The following DAAM1 variants were observed in gnomAD, a reference collection of about 807,000 sequenced individuals.
The protein encoded by DAAM1 is disheveled-associated activator of morphogenesis 1.
Under a neutral mutation model 130.0 loss-of-function variants are expected in DAAM1, and 52 were observed. That is an observed-to-expected ratio of 0.40 (90% confidence interval 0.32 to 0.50). DAAM1 has a LOEUF of 0.50. Ranked by LOEUF, DAAM1 falls within the 20% of genes least tolerant of loss-of-function variation. The probability of loss-of-function intolerance (pLI) is 0.61; values close to 1 mark genes in which losing one functional copy is unlikely to be tolerated. For missense variants in DAAM1, 1,134 were observed against 1,303.8 expected, an observed-to-expected ratio of 0.87 and a Z score of 2.01; for synonymous variants, 452 against 444.5, an observed-to-expected ratio of 1.02 and a Z score of -0.21.
Position 59,245,894 on chromosome 14 carries a change from A to G in DAAM1, c.-37-17547A>G, listed in dbSNP as rs968804461. 7.9e-5 allele frequency among the ~76,000 whole-genome samples: 12 copies of G among 152,302 alleles called. No homozygotes were observed. The East Asian group carries it at 2.1e-3, about 27-fold the overall frequency. On this transcript the variant is annotated intron_variant, in intron 1 of 24. Transcript: ENST00000360909. ...AATTGCAGAAATGAAAGCATTCTAT[A>G]AACCATTCTTTAATTACTTTCAGAG... is the stretch of plus-strand genomic sequence containing the variant.
intron 2 of DAAM1, among the ~76,000 whole-genome samples, chr14:59,268,747 C>A (rs1346821512): frequency 2.0e-5 from 3 of 152,118 alleles, no homozygotes; most frequent in Non-Finnish European, 4.4e-5. Context: ...TTCTTTTTTA[C>A]TTTTTCCTCT....
chr14:59,259,466 T>G (rs1382831750), intron 1 of DAAM1, among the ~76,000 whole-genome samples: 2 of 152,164 alleles, frequency 1.3e-5, no homozygotes, highest in Non-Finnish European at 2.9e-5. Flanking sequence ...CTTGCCCTCA[T>G]TTCCTGGTAG....
chr14:59,366,900 C>T (rs911682393), intron 23 of DAAM1, among the ~76,000 whole-genome samples: 1 of 145,748 alleles, frequency 6.9e-6, no homozygotes, highest in African/African-American at 2.5e-5. Flanking sequence ...ACCTGGGTAA[C>T]ATGTAAGACC....
At chr14:59,229,448 A>G (rs1594768951) in intron 1 of DAAM1, among the ~76,000 whole-genome samples, 1 of 152,240 alleles carries the variant, frequency 6.6e-6, no homozygotes, top group Non-Finnish European at 1.5e-5. Flanking sequence ...AGCCTATATA[A>G]TACCCTTGAT....
At position 59,340,072 on chromosome 14, in the gene DAAM1, A is replaced by G; in HGVS notation, c.1969-2A>G. On this transcript the variant is annotated splice_acceptor_variant, in intron 15 of 24. Transcript: ENST00000360909. LOFTEE classifies it high-confidence loss of function. The stretch of plus-strand genomic sequence containing the variant: ...GATGGATTTCTTTCATGCTCTTTAC[A>G]GAAAGAAGCAGATGCCATTGATGAC... 1 of 1,612,226 alleles carries G rather than the reference A, an allele frequency of 6.2e-7. No homozygotes were observed.
At chr14:59,313,930 AT>A (rs2139603609) in intron 3 of DAAM1, among the ~76,000 whole-genome samples, 1 of 152,344 alleles carries the variant, frequency 6.6e-6, no homozygotes, top group Admixed American at 6.5e-5. Context: ...TCCAGATGAA[AT>A]TCACACAACT....
Position 59,363,631 on chromosome 14 carries a change from A to G in DAAM1, c.2695-20A>G, listed in dbSNP as rs770770575. 3.6e-5 allele frequency: 58 copies of G among 1,613,752 alleles called. No homozygotes were observed. The highest frequency in any genetic ancestry group is 4.7e-5 in the Non-Finnish European group (55 of 1,179,870). On this transcript the variant is annotated intron_variant, in intron 22 of 24. Coordinates refer to ENST00000360909, the MANE Select transcript of DAAM1 (RefSeq NM_001270520.2). ...TGTATTTGAAGCCTGCATTGACATT[A>G]TTCATTTCCTGTGTTTAAGGAGCTG... is the stretch of plus-strand genomic sequence containing the variant.
intron 16 of DAAM1, among the ~76,000 whole-genome samples, chr14:59,346,697 C>G (rs1371789576): frequency 1.3e-5 from 2 of 151,886 alleles, no homozygotes; most frequent in Non-Finnish European, 2.9e-5. Flanking sequence ...GATTTTTTTC[C>G]CCTGGGTAAG....
chr14:59,331,217 C>T lies in DAAM1; in HGVS notation c.1569C>T (p.Val523=). The T allele has an allele frequency of 6.2e-7, 1 of 1,612,860 alleles. No homozygotes were observed. The highest frequency in any genetic ancestry group is 8.5e-7 in the Non-Finnish European group (1 of 1,179,936). Residue 523 remains valine (V), a synonymous_variant, in exon 14 of 25, where the codon GTC becomes GTT. Transcript: ENST00000360909. ...TATTTTTATCTTTTCAGAGGGCCGT[C>T]TGTGCTTCAATCCCAGGTGGACCCT... The part of the protein sequence containing the change: ...AQLHELSRRA[V]CASIPGGPSP...
intron 1 of DAAM1, among the ~76,000 whole-genome samples, chr14:59,198,246 C>A (rs1038558274): frequency 6.9e-6 from 1 of 145,700 alleles, no homozygotes; most frequent in Non-Finnish European, 1.5e-5. Flanking sequence ...TGCACTGTTG[C>A]CCAGGCTGGA....
intron 15 of DAAM1, among the ~76,000 whole-genome samples, chr14:59,335,217 ACTC>A (rs1566710197): frequency 6.6e-6 from 1 of 152,020 alleles, no homozygotes; most frequent in Non-Finnish European, 1.5e-5. Context: ...GAACAAGACT[ACTC>A]CTATTCAGAA....
chr14:59,294,966 A>G (rs1883898986), intron 3 of DAAM1, among the ~76,000 whole-genome samples: 1 of 152,228 alleles, frequency 6.6e-6, no homozygotes, highest in Admixed American at 6.5e-5. Flanking sequence ...ATCATCTTTA[A>G]TTGCTGTTCT....
chr14:59,331,654 G>C, intron 14 of DAAM1, 146 bp downstream of exon 14: 1 of 1,500,742 alleles, frequency 6.7e-7, no homozygotes, highest in African/African-American at 1.4e-5. Context: ...ATATTTAAGT[G>C]ATAAAGCTTC....
chr14:59,288,914 T>G (rs973650035), intron 2 of DAAM1, among the ~76,000 whole-genome samples: 4 of 151,754 alleles, frequency 2.6e-5, no homozygotes, highest in Admixed American at 2.6e-4. Context: ...TGTTTGTTTT[T>G]TTGTTGTTGT....
chr14:59,325,820 G>A, intron 9 of DAAM1, 90 bp downstream of exon 9: 1 of 1,547,748 alleles, frequency 6.5e-7, no homozygotes, highest in South Asian at 1.1e-5. Context: ...ATGGACTTTA[G>A]GGCAACCTAA....
intron 13 of DAAM1, among the ~76,000 whole-genome samples, 153 bp from the exon 14 acceptor site, chr14:59,331,056 A>G (rs549598744): frequency 1.3e-5 from 2 of 152,326 alleles, no homozygotes; most frequent in East Asian, 3.9e-4. Context: ...TAAAGGCCCA[A>G]AAGAGTCCAT....
intron 2 of DAAM1, among the ~76,000 whole-genome samples, chr14:59,275,246 TTC>T (rs1402750796): frequency 6.6e-6 from 1 of 152,140 alleles, no homozygotes; most frequent in Non-Finnish European, 1.5e-5. Context: ...TGCTTAGAAA[TTC>T]TCTCTTTCAA....
chr14:59,344,878 A>C (rs965501601), intron 16 of DAAM1, among the ~76,000 whole-genome samples: 3 of 152,184 alleles, frequency 2.0e-5, no homozygotes, highest in Non-Finnish European at 2.9e-5. Context: ...TTTTAAATGC[A>C]AAACAGAAGG....
At chr14:59,228,124 A>T (rs1888997191) in intron 1 of DAAM1, among the ~76,000 whole-genome samples, 1 of 152,148 alleles carries the variant, frequency 6.6e-6, no homozygotes, top group Admixed American at 6.5e-5. Flanking sequence ...CTAAATCTTA[A>T]GGGAAGAAAA....
Sources: allele counts gnomAD v4.1 joint callset (sites outside exome capture counted in the v4.1 genomes callset), GRCh38; gene constraint gnomAD v4.1.1; transcripts MANE v1.5; gene names NCBI Gene and HGNC (gene_info 2026-07-23, HGNC 2026-07-21).